Variants in RAD51 observed in about 807,000 individuals in gnomAD.
RAD51 encodes the protein DNA repair protein RAD51 homolog 1.
Under a neutral mutation model 41.5 loss-of-function variants are expected in RAD51, and 14 were observed. That is an observed-to-expected ratio of 0.34 (90% confidence interval 0.22 to 0.53). RAD51 has a LOEUF of 0.53. Among genes scored for constraint, RAD51 ranks in the 20% least tolerant of loss-of-function variants. The pLI is 0.95. For synonymous variants in RAD51, 136 were observed against 148.6 expected, an observed-to-expected ratio of 0.92 and a Z score of 0.62; for missense variants, 234 against 422.0, an observed-to-expected ratio of 0.55 and a Z score of 3.90.
intron 6 of RAD51, among the ~76,000 whole-genome samples, chr15:40,725,154 C>T (rs915938859): frequency 1.3e-5 from 2 of 152,034 alleles, no homozygotes; most frequent in African/African-American, 4.8e-5. Context: ...CCGCCTCGGC[C>T]TCCCAAAGTG....
At chr15:40,718,404 A>G (rs1387002743) in intron 5 of RAD51, among the ~76,000 whole-genome samples, 3 of 151,890 alleles carry the variant, frequency 2.0e-5, no homozygotes, top group Admixed American at 6.6e-5. Context: ...TTTAATCTCA[A>G]CAACTCAGGA....
chr15:40,698,615 C>G, intron 1 of RAD51, 142 bp from the exon 2 acceptor site: 1 of 742,846 alleles, frequency 1.3e-6, no homozygotes, highest in South Asian at 1.5e-5. Flanking sequence ...GAATATAAAG[C>G]AGGAGAACAG....
intron 6 of RAD51, among the ~76,000 whole-genome samples, chr15:40,725,405 T>A (rs576112050): frequency 6.6e-6 from 1 of 152,374 alleles, no homozygotes; most frequent in Non-Finnish European, 1.5e-5. Context: ...AAAAAAATTT[T>A]ATAATTGAAT....
chr15:40,731,470 G>T lies in RAD51; in HGVS notation c.*292G>T. The T allele has an allele frequency of 2.3e-6, 1 of 434,348 alleles. No individual in the cohort carries two copies. The highest frequency in any genetic ancestry group is 4.3e-6 in the Non-Finnish European group (1 of 234,234). The allele number at this position is 434,348 out of a possible 1,614,324, so 26.9% of individuals were successfully genotyped here. On this transcript the variant is annotated 3_prime_UTR_variant, in exon 10 of 10. Transcript: ENST00000267868. Reference sequence around the variant, plus strand: ...GACATGGTGCCTTAGGAATGACTTGGGTTTAACAAGCTGTCTACTGGACAA... The same window carrying T: ...GACATGGTGCCTTAGGAATGACTTGTGTTTAACAAGCTGTCTACTGGACAA...
chr15:40,711,779 A>C (rs1200546130), intron 5 of RAD51, among the ~76,000 whole-genome samples: 1 of 152,184 alleles, frequency 6.6e-6, no homozygotes, highest in Non-Finnish European at 1.5e-5. Flanking sequence ...GATGACCCTT[A>C]AAAAGATACA....
chr15:40,725,024 C>T (rs1896508605), intron 6 of RAD51, among the ~76,000 whole-genome samples: 1 of 151,302 alleles, frequency 6.6e-6, no homozygotes, highest in East Asian at 1.9e-4. Flanking sequence ...CTCAGCCTCC[C>T]CAGTAGCTGG....
chr15:40,698,990 T>TCA (rs1185772179), intron 2 of RAD51, 145 bp downstream of exon 2: 5 of 780,044 alleles, frequency 6.4e-6, no homozygotes, highest in Non-Finnish European at 1.1e-5. Flanking sequence ...AATAATCCTG[T>TCA]GGAAAGGCTG....
At chr15:40,720,797 GCAAAAA>G (rs1378908529) in intron 6 of RAD51, among the ~76,000 whole-genome samples, 2 of 152,142 alleles carry the variant, frequency 1.3e-5, no homozygotes, top group African/African-American at 4.8e-5. Flanking sequence ...GATTTGTACA[GCAAAAA>G]CTCTGAAACA....
rs1896855728 is a variant in RAD51, at chr15:40,731,035, G to T, written c.897-20G>T. The stretch of plus-strand genomic sequence containing the variant: ...TTTAATTATAATAAATTGGTGCTTT[G>T]GTCTGTGTCTTTGGGTCAGATTGTA... On this transcript the variant is annotated intron_variant, in intron 9 of 9. Coordinates refer to ENST00000267868, the MANE Select transcript of RAD51 (RefSeq NM_002875.5). 3 of 1,613,950 alleles carry T rather than the reference G, an allele frequency of 1.9e-6. No homozygotes were observed. The highest frequency in any genetic ancestry group is 8.5e-7 in the Non-Finnish European group (1 of 1,179,940).
chr15:40,713,827 C>T (rs570294973), intron 5 of RAD51, among the ~76,000 whole-genome samples: 3 of 151,172 alleles, frequency 2.0e-5, no homozygotes, highest in Non-Finnish European at 4.4e-5. Flanking sequence ...AGGATGGTCT[C>T]GATCTCCTGA....
At chr15:40,714,978 A>C (rs1047153040) in intron 5 of RAD51, among the ~76,000 whole-genome samples, 2 of 152,002 alleles carry the variant, frequency 1.3e-5, no homozygotes, top group Non-Finnish European at 2.9e-5. Flanking sequence ...GTTCCAGACA[A>C]GACTGGGGAA....
intron 9 of RAD51, 67 bp from the exon 10 acceptor site, chr15:40,730,988 T>A: frequency 1.2e-6 from 2 of 1,608,028 alleles, no homozygotes; most frequent in Non-Finnish European, 1.7e-6. Context: ...TCAGCTCTGT[T>A]ACAAAGTCAG....
chr15:40,707,967 C>G (rs45454399), intron 4 of RAD51, among the ~76,000 whole-genome samples: 1 of 150,778 alleles, frequency 6.6e-6, no homozygotes, highest in Non-Finnish European at 1.5e-5. Context: ...CCATCCACCT[C>G]GGCCTCCCAA....
rs535242039 is a variant in RAD51, at chr15:40,715,366, AAAAACC to A, written c.436-3434_436-3429del. ...TAAGATTCTGTCTCAAAAAAAAACC[AAAAACC>A]AAAAAACCACAAAACAAAAAAATCA... On this transcript the variant is annotated intron_variant, in intron 5 of 9. Coordinates refer to ENST00000267868, the MANE Select transcript of RAD51 (RefSeq NM_002875.5). 5.9e-4 allele frequency among the ~76,000 whole-genome samples: 24 copies of A among 40,618 alleles called. No individual in the cohort carries two copies. In the South Asian group the frequency reaches 0.037, roughly 62 times the overall value. The allele number at this position is 40,618 out of a possible 152,430, so 26.6% of individuals were successfully genotyped here.
intron 7 of RAD51, 64 bp downstream of exon 7, chr15:40,728,888 C>A: frequency 1.5e-6 from 2 of 1,350,850 alleles, no homozygotes; most frequent in Non-Finnish European, 2.1e-6. Flanking sequence ...CTTGTAATGG[C>A]TATTTGGCCA....
Position 40,731,171 on chromosome 15 carries a change from A to G in RAD51, c.1013A>G (p.Lys338Arg), listed in dbSNP as rs1896860676. The G allele has an allele frequency of 1.9e-6, 3 of 1,614,060 alleles. No individual in the cohort carries two copies. The East Asian group carries it at 6.7e-5, about 36-fold the overall frequency. ...AATGCAGATGGAGTGGGAGATGCCAAAGACTGAATCATTGGGTTTTTCCTC... is the reference window on the plus strand; with the variant it reads ...AATGCAGATGGAGTGGGAGATGCCAGAGACTGAATCATTGGGTTTTTCCTC... ...AINADGVGDAKD is the reference protein window; with the variant it reads ...AINADGVGDARD Residue 338 changes from lysine to arginine, a missense_variant, in exon 10 of 10, where the codon AAA (lysine) becomes AGA (arginine). Lys to Arg is a conservative substitution (Grantham distance 26). Coordinates refer to ENST00000267868, the MANE Select transcript of RAD51 (RefSeq NM_002875.5).
chr15:40,707,553 C>T (rs1476318407), intron 4 of RAD51, among the ~76,000 whole-genome samples: 1 of 149,772 alleles, frequency 6.7e-6, no homozygotes, highest in Non-Finnish European at 1.5e-5. Context: ...ATGATCTACC[C>T]GCCTCAGCCT....
intron 6 of RAD51, among the ~76,000 whole-genome samples, chr15:40,724,686 T>C (rs188670610): frequency 8.2e-6 from 1 of 121,390 alleles, no homozygotes; most frequent in Admixed American, 8.4e-5. Flanking sequence ...TTTTTTTTTT[T>C]TTTTTTTTTT....
At chr15:40,725,110 A>G (rs1184007427) in intron 6 of RAD51, among the ~76,000 whole-genome samples, 2 of 151,792 alleles carry the variant, frequency 1.3e-5, no homozygotes, top group African/African-American at 4.8e-5. Flanking sequence ...CTTGTTAGCC[A>G]GGATGGTCTC....
Sources: allele counts gnomAD v4.1 joint callset (sites outside exome capture counted in the v4.1 genomes callset), GRCh38; gene constraint gnomAD v4.1.1; transcripts MANE v1.5; gene names NCBI Gene and HGNC (gene_info 2026-07-23, HGNC 2026-07-21).